Variants in STAT3 observed in about 807,000 individuals in gnomAD.
STAT3 encodes the protein DNA-binding protein APRF.
STAT3 carries 7 observed loss-of-function variants against 114.3 expected under a neutral mutation model. The observed-to-expected ratio is 0.06, with a 90% CI of 0.03 to 0.11. STAT3 has a LOEUF of 0.11. Ranked by LOEUF, STAT3 falls within the 10% of genes least tolerant of loss-of-function variation. The probability of loss-of-function intolerance (pLI) is 1.00; values close to 1 mark genes in which losing one functional copy is unlikely to be tolerated. For synonymous variants in STAT3, 331 were observed against 354.5 expected (o/e 0.93, Z 0.74); for missense variants, 364 against 960.9 (o/e 0.38, Z 8.21).
At position 42,315,403 on chromosome 17, in the gene STAT3, CAAT is replaced by C. The variant is rs1294487374; in HGVS notation, c.*339_*341del. 3 of 467,466 alleles carry C rather than the reference CAAT, an allele frequency of 6.4e-6. No homozygotes were observed. The highest frequency in any genetic ancestry group is 3.9e-5 in the African/African-American group (2 of 51,604). The allele number at this position is 467,466 out of a possible 1,614,324, so 29.0% of individuals were successfully genotyped here. ...GGCACTTGTCTAAGAACAACAACAA[CAAT>C]AACAAAAAGCTGCTGAGAAAGGAGG... On this transcript the variant is annotated 3_prime_UTR_variant, in exon 24 of 24. Transcript: ENST00000264657.
intron 4 of STAT3, 170 bp downstream of exon 4, chr17:42,345,389 G>A (rs369533171): frequency 9.0e-5 from 57 of 632,924 alleles, no homozygotes; most frequent in Middle Eastern, 8.6e-4. Context: ...ATGTATTTTG[G>A]GGGGTGGAAC....
chr17:42,381,683 G>C (rs996356414), intron 1 of STAT3, among the ~76,000 whole-genome samples: 1 of 146,028 alleles, frequency 6.8e-6, no homozygotes, highest in Non-Finnish European at 1.5e-5. Context: ...AATGAGCCAA[G>C]ATAGCGCCAC....
At position 42,339,662 on chromosome 17, in the gene STAT3, C is replaced by G. The variant is rs2306580; in HGVS notation, c.373-253G>C. 0.14 allele frequency among the ~76,000 whole-genome samples: 20,593 copies of G among 152,092 alleles called. 2,197 individuals are homozygous for G. Among genetic ancestry groups the G allele is most frequent in the African/African-American group, 0.3 (12,242 of 41,436 alleles). On this transcript the variant is annotated intron_variant, in intron 4 of 23. Transcript: ENST00000264657. Reference sequence around the variant, plus strand: ...AAGACATGGTCTATGCCTTCAAAAACCTCATGGGCAAGTATGTCAAAAAAT... The same window carrying G: ...AAGACATGGTCTATGCCTTCAAAAAGCTCATGGGCAAGTATGTCAAAAAAT...
At chr17:42,371,873 C>A (rs926872004) in intron 1 of STAT3, among the ~76,000 whole-genome samples, 2 of 151,436 alleles carry the variant, frequency 1.3e-5, no homozygotes, top group African/African-American at 4.9e-5. Context: ...ATCCCAGCTA[C>A]TTGGGAGGCT....
At chr17:42,362,908 C>A (rs2083588628) in intron 1 of STAT3, among the ~76,000 whole-genome samples, 1 of 152,192 alleles carries the variant, frequency 6.6e-6, no homozygotes, top group South Asian at 2.1e-4. Flanking sequence ...CTGCCACTGG[C>A]CCTCACACAT....
chr17:42,377,197 A>G (rs2084519248), intron 1 of STAT3, among the ~76,000 whole-genome samples: 1 of 152,104 alleles, frequency 6.6e-6, no homozygotes, highest in African/African-American at 2.4e-5. Context: ...AGGAAATCAA[A>G]TTTATGATAT....
chr17:42,326,067 T>C, intron 15 of STAT3, 49 bp downstream of exon 15: 5 of 1,543,352 alleles, frequency 3.2e-6, no homozygotes, highest in South Asian at 1.1e-5. Flanking sequence ...GTTTTTGTCC[T>C]GAGTCACCCC....
intron 1 of STAT3, among the ~76,000 whole-genome samples, chr17:42,385,295 G>A (rs1296271876): frequency 6.6e-6 from 1 of 151,938 alleles, no homozygotes; most frequent in African/African-American, 2.4e-5. Flanking sequence ...GATCTCTTGA[G>A]GTCAGGAGTT....
At chr17:42,357,627 G>T (rs2083292189) in intron 1 of STAT3, among the ~76,000 whole-genome samples, 1 of 152,114 alleles carries the variant, frequency 6.6e-6, no homozygotes. Context: ...AACCAAGATG[G>T]TGCCACTACA....
chr17:42,339,687 T>C (rs1463684550), intron 4 of STAT3, among the ~76,000 whole-genome samples: 1 of 152,002 alleles, frequency 6.6e-6, no homozygotes, highest in Non-Finnish European at 1.5e-5. Context: ...TGTCAAAAAA[T>C]TCAAAACAAT....
intron 1 of STAT3, among the ~76,000 whole-genome samples, chr17:42,373,819 A>G (rs2084299756): frequency 6.7e-6 from 1 of 150,338 alleles, no homozygotes; most frequent in African/African-American, 2.5e-5. Flanking sequence ...TGGGAGGCAG[A>G]GCTTGCAGTG....
intron 14 of STAT3, among the ~76,000 whole-genome samples, chr17:42,329,191 G>A (rs899094665): frequency 6.6e-6 from 1 of 152,164 alleles, no homozygotes; most frequent in Non-Finnish European, 1.5e-5. Flanking sequence ...CCTTAAGGAG[G>A]AGCCAACTCC....
intron 2 of STAT3, 145 bp downstream of exon 2, chr17:42,348,244 G>A (rs1210231093): frequency 2.5e-6 from 3 of 1,198,196 alleles, no homozygotes; most frequent in Non-Finnish European, 3.6e-6. Context: ...ACCAAAGGGT[G>A]CCCCTTTATC....
intron 1 of STAT3, among the ~76,000 whole-genome samples, chr17:42,351,606 G>A (rs2082962969): frequency 6.6e-6 from 1 of 151,994 alleles, no homozygotes; most frequent in Admixed American, 6.6e-5. Flanking sequence ...CTTTACATGT[G>A]CAGCACAGCT....
chr17:42,316,048 G>A, intron 23 of STAT3: 4 of 1,412,594 alleles, frequency 2.8e-6, no homozygotes, highest in Non-Finnish European at 3.7e-6. Context: ...AAGCTCTAAG[G>A]CTGTCCTGAG....
intron 21 of STAT3, among the ~76,000 whole-genome samples, chr17:42,320,031 G>T (rs914691756): frequency 1.3e-5 from 2 of 152,204 alleles, no homozygotes; most frequent in African/African-American, 4.8e-5. Flanking sequence ...TGCAGCCTCA[G>T]ACTGGGAGGT....
chr17:42,315,862 C>A (rs930252278), intron 23 of STAT3, 62 bp from the exon 24 acceptor site: 2 of 1,612,864 alleles, frequency 1.2e-6, no homozygotes, highest in Non-Finnish European at 1.7e-6. Flanking sequence ...GCAGGCCACG[C>A]CCCCAGCCCT....
intron 1 of STAT3, chr17:42,374,204 T>G (rs2084325322): frequency 6.6e-6 from 1 of 152,162 alleles, no homozygotes; most frequent in African/African-American, 2.4e-5. Context: ...GTGGTGGCTG[T>G]GCCTAGGAAA....
At chr17:42,336,450 T>C (rs973766450) in intron 8 of STAT3, among the ~76,000 whole-genome samples, 2 of 151,834 alleles carry the variant, frequency 1.3e-5, no homozygotes, top group African/African-American at 4.8e-5. Flanking sequence ...ATTTAAAAAT[T>C]AGCCAGGTGT....
Sources: gnomAD v4.1 joint callset for allele counts (sites outside exome capture counted in the v4.1 genomes callset) on GRCh38, gnomAD v4.1.1 for gene constraint, MANE v1.5 for transcripts, NCBI Gene and HGNC (gene_info 2026-07-23, HGNC 2026-07-21) for gene names.